Variants in PRKAR1B observed in about 807,000 individuals in gnomAD.
PRKAR1B encodes the protein protein kinase cAMP-dependent type I regulatory subunit beta, also known as cAMP-dependent protein kinase type I-beta regulatory subunit.
A neutral mutation model predicts 46.5 loss-of-function variants in PRKAR1B; 22 were observed. The ratio of observed to expected loss-of-function variants is 0.47; its 90% confidence interval spans 0.34 to 0.68. PRKAR1B has a LOEUF of 0.68. Ranked by LOEUF, PRKAR1B falls within the 30% of genes least tolerant of loss-of-function variation. The pLI is 0.01. For synonymous variants in PRKAR1B, 259 were observed against 217.7 expected, an observed-to-expected ratio of 1.19 and a Z score of -1.67; for missense variants, 445 against 535.6, an observed-to-expected ratio of 0.83 and a Z score of 1.67.
At chr7:715,258 G>A (rs78076538) in intron 1 of PRKAR1B, among the ~76,000 whole-genome samples, 2,669 of 152,192 alleles carry the variant, frequency 0.018, 42 homozygotes, top group East Asian at 0.1. Context: ...TCGCCACTGA[G>A]GACATCCAAG....
intron 4 of PRKAR1B, among the ~76,000 whole-genome samples, chr7:663,212 G>T (rs67845534): frequency 0.14 from 21,437 of 152,060 alleles, 1,678 homozygotes; most frequent in South Asian, 0.28. Context: ...ACTTTTTATT[G>T]ATGTGTGTTT....
intron 1 of PRKAR1B, among the ~76,000 whole-genome samples, chr7:715,140 C>T (rs766178675): frequency 4.9e-4 from 75 of 152,166 alleles, no homozygotes; most frequent in Non-Finnish European, 1.0e-3. Context: ...CACTGCACTC[C>T]AGCCTGGGCA....
intron 4 of PRKAR1B, among the ~76,000 whole-genome samples, chr7:632,708 G>C (rs994166939): frequency 6.6e-6 from 1 of 152,198 alleles, no homozygotes; most frequent in East Asian, 1.9e-4. Flanking sequence ...ACACAGAAAT[G>C]CCACGGAGGC....
At chr7:728,118 T>G (rs1481263317), upstream of PRKAR1B, among the ~76,000 whole-genome samples, 1 of 152,162 alleles carries the variant, frequency 6.6e-6, no homozygotes, top group Non-Finnish European at 1.5e-5. Flanking sequence ...ACGTTCCCCA[T>G]CTTTTTTAGA....
chr7:634,318 G>A (rs368976954), intron 4 of PRKAR1B, among the ~76,000 whole-genome samples: 6 of 149,074 alleles, frequency 4.0e-5, no homozygotes, highest in Non-Finnish European at 8.9e-5. Context: ...CACTGCACCC[G>A]GCCCAAAAAA....
intron 2 of PRKAR1B, among the ~76,000 whole-genome samples, chr7:702,540 A>G (rs1210317760): frequency 6.6e-6 from 1 of 152,208 alleles, no homozygotes; most frequent in Non-Finnish European, 1.5e-5. Context: ...AAGATGCATC[A>G]TAGGCTGGGC....
chr7:642,811 G>C lies in PRKAR1B; in HGVS notation c.440+34418C>G, dbSNP rs138643827. Among the ~76,000 whole-genome samples, 55 of 151,396 alleles carry C rather than the reference G, an allele frequency of 3.6e-4. No individual in the cohort carries two copies. The East Asian group carries it at 8.7e-3, about 24-fold the overall frequency. On this transcript the variant is annotated intron_variant, in intron 4 of 10. Coordinates refer to ENST00000537384, the MANE Select transcript of PRKAR1B (RefSeq NM_001164760.2). ...AGTCAACCCCATTTCCTAAAAACTA[G>C]CTGGTTTATCAGGCAGCACACTCGG...
At chr7:570,444 C>A (rs563074534) in intron 9 of PRKAR1B, among the ~76,000 whole-genome samples, 2 of 152,182 alleles carry the variant, frequency 1.3e-5, no homozygotes, top group Admixed American at 1.3e-4. Flanking sequence ...CCCACCCTCC[C>A]GCGCTCCTGT....
intron 7 of PRKAR1B, among the ~76,000 whole-genome samples, chr7:595,498 G>A (rs572742784): frequency 6.6e-5 from 10 of 152,318 alleles, no homozygotes; most frequent in African/African-American, 2.4e-4. Context: ...GGCAGGTGGG[G>A]TGTGTGCGGG....
intron 4 of PRKAR1B, among the ~76,000 whole-genome samples, chr7:656,241 AATAGG>A (rs761134271): frequency 6.6e-6 from 1 of 152,106 alleles, no homozygotes; most frequent in African/African-American, 2.4e-5. Flanking sequence ...TGGATGGATA[AATAGG>A]TGAATTAGTG....
Position 624,780 on chromosome 7 carries a change from C to T in PRKAR1B, c.441-17328G>A, listed in dbSNP as rs554094411. On this transcript the variant is annotated intron_variant, in intron 4 of 10. Coordinates refer to ENST00000537384, the MANE Select transcript of PRKAR1B (RefSeq NM_001164760.2). Reference sequence around the variant, plus strand: ...GCACCATTATAGTTTAAGACTTTAACGCCCCTCAGCTAGTTATTGACAGAT... The same window carrying T: ...GCACCATTATAGTTTAAGACTTTAATGCCCCTCAGCTAGTTATTGACAGAT... 2.6e-5 allele frequency among the ~76,000 whole-genome samples: 4 copies of T among 152,288 alleles called. No homozygotes were observed. The South Asian group carries it at 8.3e-4, about 32-fold the overall frequency.
chr7:556,025 G>A (rs1055595483), intron 9 of PRKAR1B, among the ~76,000 whole-genome samples: 1 of 152,076 alleles, frequency 6.6e-6, no homozygotes, highest in African/African-American at 2.4e-5. Flanking sequence ...GGCCCCTCCG[G>A]GCCCCTGTCT....
intron 4 of PRKAR1B, among the ~76,000 whole-genome samples, chr7:651,272 T>C (rs1784889468): frequency 6.6e-6 from 1 of 152,188 alleles, no homozygotes; most frequent in African/African-American, 2.4e-5. Context: ...GCTGTGCATG[T>C]AGCATGCCTA....
intron 6 of PRKAR1B, among the ~76,000 whole-genome samples, chr7:596,595 C>T (rs374973988): frequency 1.3e-5 from 2 of 152,374 alleles, no homozygotes; most frequent in South Asian, 2.1e-4. Context: ...GAGGCGGACG[C>T]ACCCGGCCCC....
At chr7:660,551 T>A (rs1785460965) in intron 4 of PRKAR1B, among the ~76,000 whole-genome samples, 1 of 81,456 alleles carries the variant, frequency 1.2e-5, no homozygotes, top group Non-Finnish European at 2.2e-5. Flanking sequence ...CCCCAACGGG[T>A]CCAAATACCT....
At position 583,656 on chromosome 7, in the gene PRKAR1B, ATGCGCACACACC is replaced by A. The variant is rs1406306871; in HGVS notation, c.769+840_769+851del. On this transcript the variant is annotated intron_variant, in intron 8 of 10. Transcript: ENST00000537384. ...CCCACACTCACATGCATGCACACCC[ATGCGCACACACC>A]CACACACAACCCACACGGTGCACTC... is the stretch of plus-strand genomic sequence containing the variant. 4.2e-4 allele frequency among the ~76,000 whole-genome samples: 54 copies of A among 127,484 alleles called. 2 individuals carry two copies. Among genetic ancestry groups the A allele is most frequent in the Non-Finnish European group, 6.5e-5 (4 of 61,964 alleles). 83.6% of individuals were successfully genotyped at this position (127,484 alleles called of 152,430 possible).
chr7:566,596 C>T (rs1779173405), intron 9 of PRKAR1B, among the ~76,000 whole-genome samples: 1 of 152,032 alleles, frequency 6.6e-6, no homozygotes, highest in African/African-American at 2.4e-5. Flanking sequence ...ACCTTCATCA[C>T]CATTGTCATC....
At chr7:582,236 C>T (rs540420601) in intron 8 of PRKAR1B, among the ~76,000 whole-genome samples, 2 of 152,376 alleles carry the variant, frequency 1.3e-5, no homozygotes, top group East Asian at 1.9e-4. Flanking sequence ...CATGCTGATT[C>T]TACGGGGTCT....
At chr7:566,002 C>T (rs2128429867) in intron 9 of PRKAR1B, among the ~76,000 whole-genome samples, 1 of 152,300 alleles carries the variant, frequency 6.6e-6, no homozygotes, top group African/African-American at 2.4e-5. Context: ...GAATTTTCCT[C>T]TCAGTGCATT....
Sources: allele counts gnomAD v4.1 joint callset (sites outside exome capture counted in the v4.1 genomes callset), GRCh38; gene constraint gnomAD v4.1.1; transcripts MANE v1.5; gene names NCBI Gene and HGNC (gene_info 2026-07-23, HGNC 2026-07-21).